KBTBD2: variants seen among roughly 807,000 people sequenced by gnomAD.
The protein encoded by KBTBD2 is kelch repeat and BTB domain-containing protein 2.
A neutral mutation model predicts 57.1 loss-of-function variants in KBTBD2; 17 were observed. The observed-to-expected ratio is 0.30, with a 90% CI of 0.20 to 0.45. The LOEUF is 0.45. Among genes scored for constraint, KBTBD2 ranks in the 20% least tolerant of loss-of-function variants. The pLI, the probability that KBTBD2 is intolerant of heterozygous loss-of-function variation, is 1.00. For missense variants in KBTBD2, 515 were observed against 750.6 expected, an observed-to-expected ratio of 0.69 and a Z score of 3.67; for synonymous variants, 267 against 262.7, an observed-to-expected ratio of 1.02 and a Z score of -0.16.
chr7:32,884,919 G>T (rs2060727), intron 1 of KBTBD2, among the ~76,000 whole-genome samples: 147,723 of 150,054 alleles, frequency 0.98, 72,756 homozygotes, highest in East Asian at 1. Flanking sequence ...TTTACCAAAC[G>T]CTGCTTTATT....
In KBTBD2 at chr7:32,885,046, A is replaced by AT. The variant is rs961676139; in HGVS notation, c.-338-5105dup. Among the ~76,000 whole-genome samples, 1,013 of 142,050 alleles carry AT rather than the reference A, an allele frequency of 7.1e-3. 20 individuals carry two copies. Among genetic ancestry groups the AT allele is most frequent in the African/African-American group, 0.024 (926 of 38,106 alleles). The allele number at this position is 142,050 out of a possible 152,430, so 93.2% of individuals were successfully genotyped here. A position where few individuals can be genotyped will look rare whatever the true frequency, so the allele number is the denominator to read the frequency against. On this transcript the variant is annotated intron_variant, in intron 1 of 3. Coordinates refer to ENST00000304056, the MANE Select transcript of KBTBD2 (RefSeq NM_015483.3). ...CACACATACACACACACAAATTTTA[A>AT]TTTTTTTTTTTAAGAGACAGGATTG...
At chr7:32,874,044 C>T (rs1314919559) in intron 3 of KBTBD2, among the ~76,000 whole-genome samples, 2 of 152,070 alleles carry the variant, frequency 1.3e-5, no homozygotes, top group Admixed American at 6.6e-5. Flanking sequence ...AGGAGGATTG[C>T]TTGAGCCTGG....
intron 1 of KBTBD2, among the ~76,000 whole-genome samples, chr7:32,884,474 G>A (rs771719351): frequency 8.6e-5 from 13 of 151,046 alleles, no homozygotes; most frequent in Non-Finnish European, 1.8e-4. Flanking sequence ...CAGATCACCT[G>A]AGTTCAGGAG....
chr7:32,880,565 T>C (rs1008488647), intron 1 of KBTBD2, among the ~76,000 whole-genome samples: 2 of 146,980 alleles, frequency 1.4e-5, no homozygotes, highest in African/African-American at 2.5e-5. Context: ...AAAAAAAACA[T>C]AAAATGTAAT....
intron 1 of KBTBD2, among the ~76,000 whole-genome samples, chr7:32,889,816 A>G (rs1262349499): frequency 1.3e-5 from 2 of 152,178 alleles, no homozygotes; most frequent in Non-Finnish European, 2.9e-5. Flanking sequence ...CTCTTTTCTA[A>G]ATGTGTAACA....
chr7:32,871,437 AC>A (rs1784174997), intron 3 of KBTBD2, among the ~76,000 whole-genome samples: 1 of 152,148 alleles, frequency 6.6e-6, no homozygotes, highest in Non-Finnish European at 1.5e-5. Context: ...CATTTAAATG[AC>A]CCATCTTAGC....
intron 1 of KBTBD2, among the ~76,000 whole-genome samples, chr7:32,881,331 A>G (rs1281840994): frequency 1.3e-5 from 2 of 152,170 alleles, no homozygotes; most frequent in Admixed American, 6.5e-5. Flanking sequence ...CAAAGGAATT[A>G]CAAATCAGGA....
intron 3 of KBTBD2, among the ~76,000 whole-genome samples, chr7:32,873,442 A>C (rs1282209061): frequency 6.6e-6 from 1 of 151,814 alleles, no homozygotes; most frequent in Non-Finnish European, 1.5e-5. Flanking sequence ...GTTAAAAATT[A>C]CTTTAATTTG....
intron 1 of KBTBD2, among the ~76,000 whole-genome samples, chr7:32,888,490 T>C (rs1272784768): frequency 1.3e-5 from 2 of 152,082 alleles, no homozygotes; most frequent in African/African-American, 4.8e-5. Context: ...GTTTTTTAGA[T>C]TGTCAACTGC....
intron 1 of KBTBD2, among the ~76,000 whole-genome samples, chr7:32,884,826 C>T (rs7804202): frequency 0.16 from 24,410 of 151,792 alleles, 2,693 homozygotes; most frequent in Admixed American, 0.32. Flanking sequence ...ACTCTTGCTG[C>T]AGCCTGAAAG....
chr7:32,874,865 G>T lies in KBTBD2; in HGVS notation c.336+127C>A, dbSNP rs889719984. On this transcript the variant is annotated intron_variant, in intron 3 of 3. Transcript: ENST00000304056. ...TAGCACCTGTAATCCCAGCTACTCA[G>T]GAGGCTGAGGCAGGAGAATCACTTG... The T allele has an allele frequency of 3.6e-5, 25 of 692,072 alleles. No individual in the cohort carries two copies. In the African/African-American group the frequency reaches 4.2e-4, roughly 12 times the overall value. The allele number at this position is 692,072 out of a possible 1,614,324, so 42.9% of individuals were successfully genotyped here. A position where few individuals can be genotyped will look rare whatever the true frequency, so the allele number is the denominator to read the frequency against.
chr7:32,878,063 G>A (rs1583781057), intron 2 of KBTBD2, among the ~76,000 whole-genome samples: 1 of 150,520 alleles, frequency 6.6e-6, no homozygotes, highest in East Asian at 2.0e-4. Context: ...AGTGAGTCGA[G>A]ATAGCACCAC....
intron 1 of KBTBD2, among the ~76,000 whole-genome samples, chr7:32,888,308 T>C (rs1158032952): frequency 6.6e-6 from 1 of 152,118 alleles, no homozygotes; most frequent in Non-Finnish European, 1.5e-5. Flanking sequence ...CTGATGTCAG[T>C]GTAAAAAACT....
intron 1 of KBTBD2, among the ~76,000 whole-genome samples, chr7:32,882,089 T>C (rs923816560): frequency 3.9e-5 from 6 of 152,182 alleles, no homozygotes; most frequent in African/African-American, 1.2e-4. Context: ...TTTTAACAAC[T>C]TGATTTTTCA....
In KBTBD2 at chr7:32,875,279, T is replaced by C. The variant is rs889646303; in HGVS notation, c.171-122A>G. The C allele has an allele frequency of 9.8e-6, 9 of 920,174 alleles. No homozygotes were observed. The South Asian group carries it at 1.5e-4, about 15-fold the overall frequency. 57.0% of individuals were successfully genotyped at this position (920,174 alleles called of 1,614,324 possible). ...GGGTATTTACTTATAAGAGAAACTT[T>C]TTCTTTTTTTGAGACAGGGTCTTGC... On this transcript the variant is annotated intron_variant, in intron 2 of 3. Coordinates refer to ENST00000304056, the MANE Select transcript of KBTBD2 (RefSeq NM_015483.3).
At position 32,879,824 on chromosome 7, in the gene KBTBD2, AAC is replaced by A. The variant is rs1376067061; in HGVS notation, c.-222_-221del. On this transcript the variant is annotated 5_prime_UTR_variant, in exon 2 of 4. An upstream open reading frame in the 5' UTR loses its in-frame stop. Coordinates refer to ENST00000304056, the MANE Select transcript of KBTBD2 (RefSeq NM_015483.3). ...TTAATTAGGTTCTTCAGAGTTTTTC[AAC>A]ACAGTCTGCAGACATTGTGCTCAAA... is the stretch of plus-strand genomic sequence containing the variant. The A allele has an allele frequency of 1.1e-5, 5 of 456,706 alleles. No individual in the cohort carries two copies. The highest frequency in any genetic ancestry group is 1.9e-5 in the Non-Finnish European group (5 of 259,272). The allele number at this position is 456,706 out of a possible 1,614,324, so 28.3% of individuals were successfully genotyped here. A position where few individuals can be genotyped will look rare whatever the true frequency, so the allele number is the denominator to read the frequency against.
chr7:32,879,614 C>G lies in KBTBD2; in HGVS notation c.-10G>C. On this transcript the variant is annotated 5_prime_UTR_variant, in exon 2 of 4. Transcript: ENST00000304056. ...CGTCTTGAGTGGACATGACTGTATT[C>G]CATTAATATCTCCAGGAACAGATTA... 1 of 1,608,652 alleles carries G rather than the reference C, an allele frequency of 6.2e-7. No homozygotes were observed. The highest frequency in any genetic ancestry group is 8.5e-7 in the Non-Finnish European group (1 of 1,176,552).
At chr7:32,884,976 G>GTGTATATATATATACACACATATGTGTA (rs1330517519) in intron 1 of KBTBD2, among the ~76,000 whole-genome samples, 31 of 130,076 alleles carry the variant, frequency 2.4e-4, no homozygotes, top group Non-Finnish European at 4.3e-4. Flanking sequence ...GTATGTGTGT[G>GTGTATATATATATACACACATATGTGTA]TATATATATA....
At chr7:32,885,397 C>A (rs1311423376) in intron 1 of KBTBD2, among the ~76,000 whole-genome samples, 4 of 150,606 alleles carry the variant, frequency 2.7e-5, no homozygotes, top group African/African-American at 9.8e-5. Context: ...CACACAACTG[C>A]TTTCCCCAAT....
Sources: gnomAD v4.1 joint callset for allele counts (sites outside exome capture counted in the v4.1 genomes callset) on GRCh38, gnomAD v4.1.1 for gene constraint, MANE v1.5 for transcripts, NCBI Gene and HGNC (gene_info 2026-07-23, HGNC 2026-07-21) for gene names.